Variants in HBEGF observed in about 807,000 individuals in gnomAD.
HBEGF encodes the protein heparin binding EGF like growth factor.
HBEGF carries 8 observed loss-of-function variants against 19.5 expected under a neutral mutation model. The observed-to-expected ratio is 0.41, with a 90% CI of 0.24 to 0.74. The LOEUF (loss-of-function observed/expected upper bound fraction) is 0.74. Among genes scored for constraint, HBEGF ranks in the 30% least tolerant of loss-of-function variants. The probability of loss-of-function intolerance (pLI) is 0.32; values close to 1 mark genes in which losing one functional copy is unlikely to be tolerated. For synonymous variants in HBEGF, 97 were observed against 108.9 expected (o/e 0.89, Z 0.68); for missense variants, 207 against 256.9 (o/e 0.81, Z 1.33).
At chr5:140,340,133 A>C (rs1766286084) in intron 3 of HBEGF, among the ~76,000 whole-genome samples, 1 of 151,774 alleles carries the variant, frequency 6.6e-6, no homozygotes, top group Admixed American at 6.6e-5. Context: ...CAAAAATTTA[A>C]AAATTAGCCA....
chr5:140,335,004 A>C, intron 4 of HBEGF: 2 of 551,062 alleles, frequency 3.6e-6, no homozygotes, highest in Admixed American at 3.2e-5. Flanking sequence ...GTAGATGGAC[A>C]AACATTACAA....
At chr5:140,336,318 G>C (rs4150229) in intron 3 of HBEGF, among the ~76,000 whole-genome samples, 92 of 152,300 alleles carry the variant, frequency 6.0e-4, no homozygotes, top group African/African-American at 2.1e-3. Context: ...GGACTTGAAG[G>C]CCTCAGCTAG....
rs151143796 is a variant in HBEGF at position 140,340,980 on chromosome 5, G to C, written c.398+1655C>G. ...ACCAAGTCCTGCCTACTCAGCAGAGGGCTTTTGAAAAATCCCAGGAAACTA... is the reference window on the plus strand; with the variant it reads ...ACCAAGTCCTGCCTACTCAGCAGAGCGCTTTTGAAAAATCCCAGGAAACTA... On this transcript the variant is annotated intron_variant, in intron 3 of 5. Coordinates refer to ENST00000230990, the MANE Select transcript of HBEGF (RefSeq NM_001945.3). Among the ~76,000 whole-genome samples, 627 of 152,270 alleles carry C rather than the reference G, an allele frequency of 4.1e-3. 1 individual carries two copies. The highest frequency in any genetic ancestry group is 5.5e-3 in the Non-Finnish European group (377 of 68,030).
intron 2 of HBEGF, 92 bp downstream of exon 2, chr5:140,345,819 A>T: frequency 4.7e-6 from 7 of 1,500,424 alleles, no homozygotes; most frequent in Non-Finnish European, 6.5e-6. Context: ...AATACCCTCA[A>T]CCCACAGTAT....
intron 4 of HBEGF, among the ~76,000 whole-genome samples, chr5:140,335,383 CAAAAAAAAAAA>C (rs752308223): frequency 1.8e-4 from 16 of 91,122 alleles, no homozygotes; most frequent in Non-Finnish European, 3.0e-4. Flanking sequence ...GACTCTGTCT[CAAAAAAAAAAA>C]AAAAAAAAGA....
intron 3 of HBEGF, among the ~76,000 whole-genome samples, chr5:140,341,852 C>T (rs981928625): frequency 6.6e-6 from 1 of 152,182 alleles, no homozygotes; most frequent in Admixed American, 6.5e-5. Flanking sequence ...TGCTGTCATC[C>T]CTGAGGGGTT....
chr5:140,345,268 A>G (rs560404128), intron 2 of HBEGF, among the ~76,000 whole-genome samples: 2 of 152,334 alleles, frequency 1.3e-5, no homozygotes, highest in Admixed American at 6.5e-5. Flanking sequence ...GATCCTACAC[A>G]GCCCTCCCCA....
chr5:140,337,959 C>T (rs1244453464), intron 3 of HBEGF, among the ~76,000 whole-genome samples: 1 of 152,154 alleles, frequency 6.6e-6, no homozygotes, highest in Non-Finnish European at 1.5e-5. Flanking sequence ...CAGGTACAAC[C>T]CCATATTACA....
chr5:140,345,233 C>G (rs965489983), intron 2 of HBEGF, among the ~76,000 whole-genome samples: 13 of 152,186 alleles, frequency 8.5e-5, no homozygotes, highest in African/African-American at 3.1e-4. Flanking sequence ...CTGTACTTGG[C>G]CACAGCCAAA....
chr5:140,342,950 C>T, intron 2 of HBEGF, 138 bp from the exon 3 acceptor site: 17 of 794,930 alleles, frequency 2.1e-5, no homozygotes, highest in Non-Finnish European at 3.1e-5. Flanking sequence ...TCAGTGCCTC[C>T]TAAGAGGCAG....
In HBEGF at chr5:140,346,211, C is replaced by T; in HGVS notation, c.46+72G>A. The T allele has an allele frequency of 6.4e-7, 1 of 1,556,496 alleles. No individual in the cohort carries two copies. On this transcript the variant is annotated intron_variant, in intron 1 of 5. Coordinates refer to ENST00000230990, the MANE Select transcript of HBEGF (RefSeq NM_001945.3). The surrounding 1 kb of genome is among the most constrained non-coding windows in gnomAD (Gnocchi z 6.1). ...GTGGCCCGTGCCGGGTGCGCTGCGG[C>T]GACCTTCCCCCATGCCCCCAGCACA...
intron 3 of HBEGF, among the ~76,000 whole-genome samples, chr5:140,342,139 C>G (rs1004866028): frequency 1.3e-5 from 2 of 152,224 alleles, no homozygotes; most frequent in African/African-American, 4.8e-5. Context: ...TGATCCCTCT[C>G]TGTACAGTCC....
At chr5:140,334,986 C>T (rs1262060514) in intron 4 of HBEGF, 3 of 573,846 alleles carry the variant, frequency 5.2e-6, no homozygotes, top group African/African-American at 3.8e-5. Context: ...TCACAACATC[C>T]TTATGAGGTA....
At chr5:140,343,008 C>A (rs542188151) in intron 2 of HBEGF, 196 bp from the exon 3 acceptor site, 3 of 593,304 alleles carry the variant, frequency 5.1e-6, no homozygotes, top group Non-Finnish European at 9.0e-6. Flanking sequence ...GAGGGAACCT[C>A]GGTAGGAAGT....
intron 2 of HBEGF, among the ~76,000 whole-genome samples, 158 bp downstream of exon 2, chr5:140,345,753 T>C (rs1311013709): frequency 6.6e-6 from 1 of 151,952 alleles, no homozygotes; most frequent in Non-Finnish European, 1.5e-5. Context: ...GGACCTATAT[T>C]CCAGGATCCC....
Position 140,346,516 on chromosome 5 carries a change from C to G in HBEGF, c.-188G>C. The G allele has an allele frequency of 1.5e-6, 1 of 664,708 alleles. No individual in the cohort carries two copies. Among genetic ancestry groups the G allele is most frequent in the Non-Finnish European group, 2.5e-6 (1 of 396,144 alleles). The allele number at this position is 664,708 out of a possible 1,614,324, so 41.2% of individuals were successfully genotyped here. A position where few individuals can be genotyped will look rare whatever the true frequency, so the allele number is the denominator to read the frequency against. ...CTCTTCTTGAGTGTCTTGTCTTGCT[C>G]ACTCAGCCCGCCCGCGCGGCCGCCC... is the stretch of plus-strand genomic sequence containing the variant. On this transcript the variant is annotated 5_prime_UTR_variant, in exon 1 of 6. Coordinates refer to ENST00000230990, the MANE Select transcript of HBEGF (RefSeq NM_001945.3). This position sits in a 1 kb window ranked among gnomAD's most constrained non-coding sequence, Gnocchi z 6.1.
At chr5:140,343,981 T>C (rs1051731808) in intron 2 of HBEGF, among the ~76,000 whole-genome samples, 1 of 151,836 alleles carries the variant, frequency 6.6e-6, no homozygotes, top group African/African-American at 2.4e-5. Flanking sequence ...CTACAAAAAA[T>C]ACAAAAATTA....
rs1387934848 is a variant in HBEGF, at chr5:140,340,491, G to A, written c.398+2144C>T. On this transcript the variant is annotated intron_variant, in intron 3 of 5. Coordinates refer to ENST00000230990, the MANE Select transcript of HBEGF (RefSeq NM_001945.3). ...CCAGCCACTTAGGAGGCTGAGGCAG[G>A]AGAATTGCTTGAACCCAGGAGGCAG... is the stretch of plus-strand genomic sequence containing the variant. 4.1e-5 allele frequency among the ~76,000 whole-genome samples: 6 copies of A among 147,664 alleles called. No individual in the cohort carries two copies. The East Asian group carries it at 1.2e-3, about 30-fold the overall frequency.
At chr5:140,336,627 A>G (rs1766231238) in intron 3 of HBEGF, among the ~76,000 whole-genome samples, 1 of 152,146 alleles carries the variant, frequency 6.6e-6, no homozygotes, top group African/African-American at 2.4e-5. Flanking sequence ...GCAGGGCCCA[A>G]CTTGGGAGCT....
Sources: allele counts gnomAD v4.1 joint callset (sites outside exome capture counted in the v4.1 genomes callset), GRCh38; gene constraint gnomAD v4.1.1; non-coding constraint Gnocchi (gnomAD v3.1); transcripts MANE v1.5; gene names NCBI Gene and HGNC (gene_info 2026-07-23, HGNC 2026-07-21).